The following GPC3 variants were observed in gnomAD, a reference collection of about 807,000 sequenced individuals.
GPC3 encodes the protein glypican-3.
Under a neutral mutation model 34.4 loss-of-function variants are expected in GPC3, and 3 were observed. The observed-to-expected ratio is 0.09, with a 90% CI of 0.04 to 0.23. The LOEUF (loss-of-function observed/expected upper bound fraction) is 0.23. Ranked by LOEUF, GPC3 falls within the 10% of genes least tolerant of loss-of-function variation. The pLI, the probability that GPC3 is intolerant of heterozygous loss-of-function variation, is 1.00. For missense variants in GPC3, 351 were observed against 445.6 expected, an observed-to-expected ratio of 0.79 and a Z score of 1.91; for synonymous variants, 177 against 174.0, an observed-to-expected ratio of 1.02 and a Z score of -0.13.
intron 3 of GPC3, among the ~76,000 whole-genome samples, chrX:133,725,345 G>A (rs758280761): frequency 8.9e-6 from 1 of 111,734 alleles, no homozygotes; most frequent in African/African-American, 3.3e-5. Context: ...GCAACACAGG[G>A]AGACCCTGTC....
rs1392958281 is a variant in GPC3 at position 133,661,770 on chromosome X, A to G, written c.1373T>C (p.Val458Ala). The G allele has an allele frequency of 2.5e-6, 3 of 1,199,302 alleles. No individual in the cohort carries two copies. Among genetic ancestry groups the G allele is most frequent in the Non-Finnish European group, 3.4e-6 (3 of 885,937 alleles). Reference protein sequence around the residue: ...HELKMKGPEPVVSQIIDKLKH... With the variant: ...HELKMKGPEPAVSQIIDKLKH... Reference sequence around the variant, plus strand: ...CAGTTTGTCAATAATTTGACTGACCACTGGCTCAGGGCCCTTCATTTTCAG... The same window carrying G: ...CAGTTTGTCAATAATTTGACTGACCGCTGGCTCAGGGCCCTTCATTTTCAG... The change falls in exon 6 of 8, where the codon GTG becomes GCG. Residue 458 changes from valine (V) to alanine (A), a missense_variant. Physicochemically the swap from Val to Ala is moderately conservative, Grantham distance 64. Coordinates refer to ENST00000370818, the MANE Select transcript of GPC3 (RefSeq NM_004484.4).
chrX:133,716,518 T>C (rs1411178916), intron 3 of GPC3, among the ~76,000 whole-genome samples: 2 of 112,033 alleles, frequency 1.8e-5, no homozygotes, highest in South Asian at 7.4e-4. Flanking sequence ...GAATTGAAAA[T>C]TGTAATAACT....
chrX:133,925,696 A>G (rs909686823), intron 2 of GPC3, among the ~76,000 whole-genome samples: 4 of 112,136 alleles, frequency 3.6e-5, no homozygotes, highest in African/African-American at 1.3e-4. Context: ...GATTATAAAT[A>G]CAACACTTGC....
chrX:133,896,403 T>C (rs1168469213), intron 2 of GPC3, among the ~76,000 whole-genome samples: 1 of 110,002 alleles, frequency 9.1e-6, no homozygotes, highest in Non-Finnish European at 1.9e-5. Context: ...GAAACATCCA[T>C]TGTAGGTGGC....
chrX:133,725,762 G>T (rs1010188204), intron 3 of GPC3, among the ~76,000 whole-genome samples: 2 of 112,054 alleles, frequency 1.8e-5, no homozygotes, highest in Admixed American at 1.9e-4. Context: ...TTATCAAGAG[G>T]AAGAGAGACA....
At chrX:133,847,099 T>C (rs1460599143) in intron 2 of GPC3, among the ~76,000 whole-genome samples, 1 of 111,679 alleles carries the variant, frequency 9.0e-6, no homozygotes, top group Non-Finnish European at 1.9e-5. Flanking sequence ...TATAACTGAG[T>C]ATATGCATAT....
intron 2 of GPC3, among the ~76,000 whole-genome samples, chrX:133,758,051 A>C (rs1040257054): frequency 3.6e-5 from 4 of 111,886 alleles, no homozygotes; most frequent in African/African-American, 1.3e-4. Context: ...AAGAAACAAC[A>C]GTTGCTGGTG....
At chrX:133,953,270 A>C (rs2076401322) in intron 1 of GPC3, 59 bp from the exon 2 acceptor site, 1 of 933,329 alleles carries the variant, frequency 1.1e-6, no homozygotes, top group East Asian at 3.1e-5. Context: ...ACACACCCAC[A>C]CCCACACCAC....
At chrX:133,648,757 G>A (rs2070568909) in intron 6 of GPC3, among the ~76,000 whole-genome samples, 1 of 111,698 alleles carries the variant, frequency 9.0e-6, no homozygotes, top group South Asian at 3.8e-4. Flanking sequence ...TAATGCTATC[G>A]ATGTACTTTC....
chrX:133,851,381 G>C (rs765640887), intron 2 of GPC3, among the ~76,000 whole-genome samples: 2 of 111,637 alleles, frequency 1.8e-5, no homozygotes, highest in Non-Finnish European at 3.8e-5. Flanking sequence ...TAGCTCTCTA[G>C]GTACTATACC....
chrX:133,615,946 A>G (rs987991082), intron 6 of GPC3, among the ~76,000 whole-genome samples: 1 of 110,971 alleles, frequency 9.0e-6, no homozygotes, highest in African/African-American at 3.3e-5. Context: ...ACTCACAACT[A>G]TCAGTATACT....
chrX:133,805,624 T>A (rs180990235), intron 2 of GPC3, among the ~76,000 whole-genome samples: 2 of 112,341 alleles, frequency 1.8e-5, no homozygotes, highest in Admixed American at 9.4e-5. Flanking sequence ...CTTTGCTAAT[T>A]AACGTGTATG....
rs1462407423 is a variant in GPC3, at chrX:133,811,637, C to T, written c.338-57461G>A. ...GATGTTGCTGCCTAAGTGTGACTCA[C>T]TCTCTTTTGTCATCAAACATCATTT... On this transcript the variant is annotated intron_variant, in intron 2 of 7. Transcript: ENST00000370818. Among the ~76,000 whole-genome samples the T allele has an allele frequency of 3.6e-5, 4 of 111,600 alleles. No homozygotes were observed. In the East Asian group the frequency reaches 1.1e-3, roughly 31 times the overall value.
At chrX:133,604,072 T>A (rs901251073) in intron 6 of GPC3, among the ~76,000 whole-genome samples, 3 of 111,418 alleles carry the variant, frequency 2.7e-5, no homozygotes, top group African/African-American at 9.8e-5. Context: ...TCTCACATAA[T>A]CCTCAATACT....
chrX:133,609,447 T>A (rs779313890), intron 6 of GPC3, among the ~76,000 whole-genome samples: 2 of 112,370 alleles, frequency 1.8e-5, no homozygotes, highest in Non-Finnish European at 3.8e-5. Context: ...CTGCTGGTAT[T>A]TTCGAATAGG....
At chrX:133,852,985 CAA>C (rs33927142) in intron 2 of GPC3, among the ~76,000 whole-genome samples, 2,983 of 42,138 alleles carry the variant, frequency 0.071, 81 homozygotes, top group African/African-American at 0.18. Flanking sequence ...TTTTAAATTC[CAA>C]AAAAAAAAAA....
At chrX:133,579,226 C>T (rs2069712470) in intron 7 of GPC3, among the ~76,000 whole-genome samples, 2 of 112,560 alleles carry the variant, frequency 1.8e-5, no homozygotes. Context: ...TTCCACAACT[C>T]CCTGTACATA....
At chrX:133,879,405 C>T (rs1319154505) in intron 2 of GPC3, among the ~76,000 whole-genome samples, 1 of 111,091 alleles carries the variant, frequency 9.0e-6, no homozygotes, top group Admixed American at 9.6e-5. Context: ...AATGCAAATT[C>T]TAAAATTAGT....
In GPC3 at chrX:133,664,872, G is replaced by A. The variant is rs1220599787; in HGVS notation, c.1293-3022C>T. 5.5e-5 allele frequency among the ~76,000 whole-genome samples: 6 copies of A among 109,073 alleles called. No individual in the cohort carries two copies. In the Admixed American group the frequency reaches 5.9e-4, roughly 11 times the overall value. The allele number at this position is 109,073 out of a possible 115,157, so 94.7% of individuals were successfully genotyped here. On this transcript the variant is annotated intron_variant, in intron 5 of 7. Coordinates refer to ENST00000370818, the MANE Select transcript of GPC3 (RefSeq NM_004484.4). The stretch of plus-strand genomic sequence containing the variant: ...ACACCTTTGGATGCTGCAGTGTTGA[G>A]CCCGGGAGGTCAAGGCTGCAGTGAG...
Sources: allele counts gnomAD v4.1 joint callset (sites outside exome capture counted in the v4.1 genomes callset), GRCh38; gene constraint gnomAD v4.1.1; transcripts MANE v1.5; gene names NCBI Gene and HGNC (gene_info 2026-07-23, HGNC 2026-07-21).